PSME4: variants seen among roughly 807,000 people sequenced by gnomAD.
PSME4 encodes proteasome activator complex subunit 4.
A neutral mutation model predicts 253.9 loss-of-function variants in PSME4; 89 were observed. The observed-to-expected ratio is 0.35, with a 90% CI of 0.30 to 0.42. The LOEUF is 0.42. Among genes scored for constraint, PSME4 ranks in the 10% least tolerant of loss-of-function variants. The pLI is 1.00. For synonymous variants in PSME4, 851 were observed against 759.2 expected, an observed-to-expected ratio of 1.12 and a Z score of -1.99; for missense variants, 2,014 against 2,195.2, an observed-to-expected ratio of 0.92 and a Z score of 1.65.
intron 3 of PSME4, among the ~76,000 whole-genome samples, chr2:53,940,863 A>AAT (rs1553338331): frequency 7.0e-6 from 1 of 142,816 alleles, no homozygotes; most frequent in Non-Finnish European, 1.5e-5. Flanking sequence ...ATATATATAT[A>AAT]ATATATATTT....
At chr2:53,915,635 T>G (rs1387004222) in intron 20 of PSME4, among the ~76,000 whole-genome samples, 2 of 152,104 alleles carry the variant, frequency 1.3e-5, no homozygotes, top group African/African-American at 2.4e-5. Context: ...TGTTTTGTTT[T>G]TTTATCACTG....
intron 16 of PSME4, among the ~76,000 whole-genome samples, chr2:53,922,819 A>G (rs747391149): frequency 2.0e-5 from 3 of 152,192 alleles, no homozygotes; most frequent in East Asian, 1.9e-4. Context: ...AAAATAACTG[A>G]TATTTTTGAA....
At chr2:53,916,108 G>A (rs932629699) in intron 20 of PSME4, among the ~76,000 whole-genome samples, 22 of 151,888 alleles carry the variant, frequency 1.4e-4, no homozygotes, top group African/African-American at 5.3e-4. Context: ...TTAGCTGCGT[G>A]TGGGGGCGGA....
At chr2:53,968,001 G>A (rs761443340) in intron 1 of PSME4, among the ~76,000 whole-genome samples, 9 of 151,996 alleles carry the variant, frequency 5.9e-5, no homozygotes, top group South Asian at 2.1e-4. Flanking sequence ...GGCCGGGTGC[G>A]GTGGCTCACA....
At chr2:53,929,369 G>A (rs755354042) in intron 10 of PSME4, among the ~76,000 whole-genome samples, 7 of 152,054 alleles carry the variant, frequency 4.6e-5, no homozygotes, top group Non-Finnish European at 7.4e-5. Context: ...ACAGCTCACT[G>A]CAGCCTCCAC....
intron 41 of PSME4, among the ~76,000 whole-genome samples, chr2:53,883,936 A>C (rs765334710): frequency 1.3e-5 from 2 of 152,152 alleles, no homozygotes; most frequent in African/African-American, 2.4e-5. Flanking sequence ...TATAAGTCTT[A>C]TAAGCATCTG....
At chr2:53,879,131 T>C (rs1679264793) in intron 41 of PSME4, among the ~76,000 whole-genome samples, 1 of 152,188 alleles carries the variant, frequency 6.6e-6, no homozygotes, top group South Asian at 2.1e-4. Flanking sequence ...CTATGTGAAA[T>C]ATTGGGGGTG....
intron 35 of PSME4, among the ~76,000 whole-genome samples, 171 bp downstream of exon 35, chr2:53,893,503 T>C (rs1372775872): frequency 6.6e-6 from 1 of 152,196 alleles, no homozygotes; most frequent in East Asian, 1.9e-4. Context: ...GGTTGTAATG[T>C]CTTGTTTAGG....
chr2:53,930,874 C>A (rs1427832492), intron 10 of PSME4, among the ~76,000 whole-genome samples: 1 of 152,160 alleles, frequency 6.6e-6, no homozygotes, highest in African/African-American at 2.4e-5. Context: ...CTATATTTGA[C>A]AAAAACATTT....
At chr2:53,962,975 A>G (rs1573385300) in intron 1 of PSME4, among the ~76,000 whole-genome samples, 1 of 150,110 alleles carries the variant, frequency 6.7e-6, no homozygotes, top group East Asian at 2.0e-4. Flanking sequence ...GCGCCACTGC[A>G]CTCCAGCCTG....
rs1680399128 is a variant in PSME4 at position 53,901,562 on chromosome 2, G to A, written c.3076-3C>T. 1 of 1,588,314 alleles carries A rather than the reference G, an allele frequency of 6.3e-7. No homozygotes were observed. Among genetic ancestry groups the A allele is most frequent in the Admixed American group, 1.8e-5 (1 of 56,944 alleles). On this transcript the variant is annotated splice_region_variant and splice_polypyrimidine_tract_variant and intron_variant, in intron 27 of 46. Coordinates refer to ENST00000404125, the MANE Select transcript of PSME4 (RefSeq NM_014614.3). ...CCAAGGAGACAGTACAAGGCACCCTGCAGAAAAAAAAATATATATATGTTT... is the reference window on the plus strand; with the variant it reads ...CCAAGGAGACAGTACAAGGCACCCTACAGAAAAAAAAATATATATATGTTT...
Position 53,919,033 on chromosome 2 carries a change from C to A in PSME4, c.2516+118G>T. 4.0e-6 allele frequency: 4 copies of A among 1,009,624 alleles called. No homozygotes were observed. The South Asian group carries it at 6.4e-5, about 16-fold the overall frequency. The allele number at this position is 1,009,624 out of a possible 1,614,324, so 62.5% of individuals were successfully genotyped here. On this transcript the variant is annotated intron_variant, in intron 20 of 46. Coordinates refer to ENST00000404125, the MANE Select transcript of PSME4 (RefSeq NM_014614.3). ...CTGGTATTTTTGACCTTAACAGTGA[C>A]AAATAAAAAGGTTAAAGTGATACAG...
Position 53,932,055 on chromosome 2 carries a change from T to C in PSME4, c.1096A>G (p.Arg366Gly), listed in dbSNP as rs1313586538. 69 of 1,613,974 alleles carry C rather than the reference T, an allele frequency of 4.3e-5. No homozygotes were observed. The highest frequency in any genetic ancestry group is 3.0e-5 in the Non-Finnish European group (35 of 1,179,924). Residue 366 changes from arginine to glycine, a missense_variant, in exon 10 of 47, where the codon AGA (arginine) becomes GGA (glycine). Transcript: ENST00000404125. The stretch of plus-strand genomic sequence containing the variant: ...TTGTATCTTTCACGATGCAATCTTC[T>C]AACAACACTGTTTGGCAACCGCTGA... ...LLQRLPNSVV[R>G]RLHRERYKKP...
At chr2:53,888,244 AT>A (rs1679732301) in intron 38 of PSME4, 1 of 304,248 alleles carries the variant, frequency 3.3e-6, no homozygotes, top group Non-Finnish European at 6.0e-6. Flanking sequence ...TCACTGACTA[AT>A]ATTTAAACAT....
chr2:53,890,366 G>A (rs1358535965), intron 36 of PSME4, among the ~76,000 whole-genome samples, 158 bp from the exon 37 acceptor site: 4 of 152,184 alleles, frequency 2.6e-5, no homozygotes, highest in Non-Finnish European at 5.9e-5. Flanking sequence ...GAGTGCAGTG[G>A]AATGATCATA....
At chr2:53,918,423 A>G (rs894346095) in intron 20 of PSME4, among the ~76,000 whole-genome samples, 1 of 152,052 alleles carries the variant, frequency 6.6e-6, no homozygotes, top group Non-Finnish European at 1.5e-5. Context: ...GCATGATCTC[A>G]GCTCCCTGCA....
intron 41 of PSME4, among the ~76,000 whole-genome samples, chr2:53,878,790 T>C (rs545210681): frequency 2.7e-4 from 41 of 152,358 alleles, no homozygotes; most frequent in African/African-American, 9.4e-4. Context: ...GATAAGATGT[T>C]ATCAATGACA....
chr2:53,897,764 T>G (rs80145461), intron 31 of PSME4, 106 bp downstream of exon 31: 1 of 1,278,612 alleles, frequency 7.8e-7, no homozygotes, highest in African/African-American at 1.5e-5. Context: ...TCAATACACT[T>G]CAAGATATTT....
At position 53,970,837 on chromosome 2, in the gene PSME4, C is replaced by T; in HGVS notation, c.-53G>A. 1.5e-6 allele frequency: 2 copies of T among 1,376,638 alleles called. No homozygotes were observed. Among genetic ancestry groups the T allele is most frequent in the Non-Finnish European group, 9.5e-7 (1 of 1,050,368 alleles). 85.3% of individuals were successfully genotyped at this position (1,376,638 alleles called of 1,614,324 possible). ...TCCCACCCGAACCCTCCCCGGCCCC[C>T]ACCCCTCTCCGGGCTCCGCCTCCTC... On this transcript the variant is annotated 5_prime_UTR_variant, in exon 1 of 47. Transcript: ENST00000404125.
Sources: gnomAD v4.1 joint callset for allele counts (sites outside exome capture counted in the v4.1 genomes callset) on GRCh38, gnomAD v4.1.1 for gene constraint, MANE v1.5 for transcripts, NCBI Gene and HGNC (gene_info 2026-07-23, HGNC 2026-07-21) for gene names.